The following CRYZL1 variants were observed in gnomAD, a reference collection of about 807,000 sequenced individuals.
CRYZL1 encodes crystallin zeta like 1, also known as ferry endosomal RAB5 effector complex subunit 4.
Under a neutral mutation model 50.6 loss-of-function variants are expected in CRYZL1, and 34 were observed. The observed-to-expected ratio is 0.67, with a 90% CI of 0.51 to 0.89. CRYZL1 has a LOEUF of 0.89. CRYZL1 is among the 40% of genes least tolerant of loss of function. The pLI is 0.00. For missense variants in CRYZL1, 354 were observed against 402.3 expected (o/e 0.88, Z 1.03); for synonymous variants, 125 against 134.3 (o/e 0.93, Z 0.48).
intron 2 of CRYZL1, among the ~76,000 whole-genome samples, chr21:33,627,967 G>C (rs1010979821): frequency 6.6e-6 from 1 of 151,888 alleles, no homozygotes; most frequent in Non-Finnish European, 1.5e-5. Flanking sequence ...GGACGGTCTC[G>C]ATCTCCTGAC....
chr21:33,612,306 G>A (rs1409854712), intron 6 of CRYZL1, among the ~76,000 whole-genome samples: 1 of 144,446 alleles, frequency 6.9e-6, no homozygotes, highest in Non-Finnish European at 1.5e-5. Flanking sequence ...TTTTTTTTGA[G>A]ATGAAGTCTC....
rs1362628216 is a variant in CRYZL1 at position 33,621,994 on chromosome 21, A to C, written c.217+2T>G. 1 of 1,592,610 alleles carries C rather than the reference A, an allele frequency of 6.3e-7. No individual in the cohort carries two copies. Among genetic ancestry groups the C allele is most frequent in the Non-Finnish European group, 8.6e-7 (1 of 1,160,780 alleles). ...TACATATACTCACATCTGTATACTT[A>C]CCATCTAATACAATTCCAGCAATTT... On this transcript the variant is annotated splice_donor_variant, in intron 4 of 12. Coordinates refer to ENST00000381554, the MANE Select transcript of CRYZL1 (RefSeq NM_145858.3). LOFTEE classifies it high-confidence loss of function.
intron 8 of CRYZL1, among the ~76,000 whole-genome samples, chr21:33,600,115 A>G (rs2086735954): frequency 6.6e-6 from 1 of 152,154 alleles, no homozygotes; most frequent in African/African-American, 2.4e-5. Context: ...CCTAAATCGA[A>G]ACACTGTCAG....
chr21:33,624,585 A>C (rs2087038639), intron 3 of CRYZL1, 98 bp downstream of exon 3: 2 of 1,524,496 alleles, frequency 1.3e-6, no homozygotes, highest in East Asian at 2.5e-5. Flanking sequence ...GATGGTAATA[A>C]ATTCTTCACA....
intron 1 of CRYZL1, among the ~76,000 whole-genome samples, chr21:33,638,597 G>A (rs1242778225): frequency 6.6e-6 from 1 of 152,180 alleles, no homozygotes; most frequent in Non-Finnish European, 1.5e-5. Context: ...CTAGAAATAT[G>A]TATATTCAAA....
rs1200453397 is a variant in CRYZL1, at chr21:33,616,759, T to A, written c.218-9A>T. On this transcript the variant is annotated splice_polypyrimidine_tract_variant and intron_variant, in intron 4 of 12. Coordinates refer to ENST00000381554, the MANE Select transcript of CRYZL1 (RefSeq NM_145858.3). Reference sequence around the variant, plus strand: ...TGATACCTTGCTTCCAACTAAAGAGTGAAGAAAATTAATAGTTAATATTAC... The same window carrying A: ...TGATACCTTGCTTCCAACTAAAGAGAGAAGAAAATTAATAGTTAATATTAC... 1 of 1,591,298 alleles carries A rather than the reference T, an allele frequency of 6.3e-7. No individual in the cohort carries two copies. Among genetic ancestry groups the A allele is most frequent in the African/African-American group, 1.3e-5 (1 of 74,298 alleles).
rs751180613 is a variant in CRYZL1, at chr21:33,613,596, G to T, written c.273C>A (p.Pro91=). 2.9e-5 allele frequency: 47 copies of T among 1,611,758 alleles called. No individual in the cohort carries two copies. The highest frequency in any genetic ancestry group is 3.6e-5 in the Non-Finnish European group (43 of 1,178,212). ...QPDDEVVGIL[P]LDSEDPGLCE... is the part of the protein sequence containing the mutation. ...AAAGTCCAGGGTCTTCAGAGTCCAG[G>T]GGCAAAATTCCTAAAAATCAAAACA... is the stretch of plus-strand genomic sequence containing the variant. The change falls in exon 6 of 13, where the codon CCC becomes CCA. Residue 91 remains proline (P), a synonymous_variant. Coordinates refer to ENST00000381554, the MANE Select transcript of CRYZL1 (RefSeq NM_145858.3).
chr21:33,617,015 A>C, intron 4 of CRYZL1: 1 of 228,418 alleles, frequency 4.4e-6, no homozygotes, highest in Non-Finnish European at 8.5e-6. Flanking sequence ...TATTTAGTTG[A>C]CTTTATTCAT....
intron 1 of CRYZL1, chr21:33,639,891 T>C (rs1478470674): frequency 3.7e-6 from 1 of 268,812 alleles, no homozygotes; most frequent in Non-Finnish European, 7.1e-6. Context: ...GTGGTCGTGA[T>C]CTTGGCTCAC....
intron 11 of CRYZL1, 68 bp downstream of exon 11, chr21:33,595,663 C>T (rs561257341): frequency 1.8e-5 from 29 of 1,595,002 alleles, no homozygotes; most frequent in African/African-American, 1.7e-4. Context: ...TTCCTATTAT[C>T]GTAATGAAAG....
chr21:33,611,178 T>C lies in CRYZL1; in HGVS notation c.331+2360A>G, dbSNP rs368856740. On this transcript the variant is annotated intron_variant, in intron 6 of 12. Transcript: ENST00000381554. Reference sequence around the variant, plus strand: ...ACTCTGGGGCCAAAAATAGGATAGTTTCCTGTAAAGGAGCCCGTGGCAGTC... The same window carrying C: ...ACTCTGGGGCCAAAAATAGGATAGTCTCCTGTAAAGGAGCCCGTGGCAGTC... Among the ~76,000 whole-genome samples the C allele has an allele frequency of 8.5e-5, 13 of 152,312 alleles. No homozygotes were observed. In the South Asian group the frequency reaches 2.7e-3, roughly 32 times the overall value.
intron 3 of CRYZL1, among the ~76,000 whole-genome samples, chr21:33,624,031 T>G (rs1443030449): frequency 6.6e-6 from 1 of 152,178 alleles, no homozygotes; most frequent in Admixed American, 6.5e-5. Context: ...TCTATTTTAT[T>G]ATTTATTTCT....
Position 33,613,533 on chromosome 21 carries a change from C to A in CRYZL1, c.331+5G>T. ...TGAGCTCCAAAGTACTGAATTGCTACATACCCAAGTAATGCTCATGTACTC... is the reference window on the plus strand; with the variant it reads ...TGAGCTCCAAAGTACTGAATTGCTAAATACCCAAGTAATGCTCATGTACTC... On this transcript the variant is annotated splice_donor_5th_base_variant and intron_variant, in intron 6 of 12. Transcript: ENST00000381554. 6.3e-7 allele frequency: 1 copy of A among 1,598,366 alleles called. No homozygotes were observed. The highest frequency in any genetic ancestry group is 8.6e-7 in the Non-Finnish European group (1 of 1,165,900).
chr21:33,610,890 C>T (rs894195323), intron 6 of CRYZL1, among the ~76,000 whole-genome samples: 2 of 133,724 alleles, frequency 1.5e-5, no homozygotes, highest in African/African-American at 2.9e-5. Context: ...CACGACCATG[C>T]CCGGCTAGTT....
intron 7 of CRYZL1, 83 bp from the exon 8 acceptor site, chr21:33,602,428 A>G: frequency 1.9e-6 from 1 of 528,596 alleles, no homozygotes; most frequent in South Asian, 3.5e-5. Context: ...TATTTAATAA[A>G]GTATAATTCT....
At chr21:33,641,083 A>AC (rs2087306936) in intron 1 of CRYZL1, 1 of 1,520,698 alleles carries the variant, frequency 6.6e-7, no homozygotes, top group Admixed American at 2.2e-5. Flanking sequence ...TTCAGGTAAA[A>AC]CCTTTCTACT....
chr21:33,614,171 CAAA>C (rs1174565593), intron 5 of CRYZL1, among the ~76,000 whole-genome samples: 11 of 98,162 alleles, frequency 1.1e-4, no homozygotes, highest in Admixed American at 3.4e-4. Context: ...GACTCTGTGT[CAAA>C]AAAAAAAAAA....
intron 3 of CRYZL1, 71 bp downstream of exon 3, chr21:33,624,612 C>G: frequency 6.4e-7 from 1 of 1,560,826 alleles, no homozygotes; most frequent in Non-Finnish European, 8.6e-7. Flanking sequence ...GGTCAGTTAT[C>G]GTTATATTTA....
chr21:33,613,495 A>C (rs369668268), intron 6 of CRYZL1, 43 bp downstream of exon 6: 68 of 1,253,722 alleles, frequency 5.4e-5, no homozygotes, highest in Non-Finnish European at 7.1e-5. Context: ...ATGTCAGTGA[A>C]GTAAGACTTA....
Sources: allele counts gnomAD v4.1 joint callset (sites outside exome capture counted in the v4.1 genomes callset), GRCh38; gene constraint gnomAD v4.1.1; transcripts MANE v1.5; gene names NCBI Gene and HGNC (gene_info 2026-07-23, HGNC 2026-07-21).